Variants in ITSN1 observed in about 807,000 individuals in gnomAD.
ITSN1 encodes intersectin 1, also known as intersectin-1.
ITSN1 carries 58 observed loss-of-function variants against 239.8 expected under a neutral mutation model. The observed-to-expected ratio is 0.24, with a 90% CI of 0.20 to 0.30. The LOEUF (loss-of-function observed/expected upper bound fraction) is 0.30. Ranked by LOEUF, ITSN1 falls within the 10% of genes least tolerant of loss-of-function variation. ITSN1 has a pLI of 1.00. For missense variants in ITSN1, 1,558 were observed against 2,103.3 expected (o/e 0.74, Z 5.07); for synonymous variants, 780 against 770.8 (o/e 1.01, Z -0.20).
intron 24 of ITSN1, 103 bp from the exon 25 acceptor site, chr21:33,823,384 T>A: frequency 9.8e-7 from 1 of 1,024,980 alleles, no homozygotes; most frequent in Non-Finnish European, 1.5e-6. Context: ...CTTGAATGGA[T>A]CTTGTCCTAA....
intron 1 of ITSN1, among the ~76,000 whole-genome samples, chr21:33,656,801 A>G (rs371115336): frequency 6.6e-6 from 1 of 152,130 alleles, no homozygotes; most frequent in African/African-American, 2.4e-5. Context: ...ACCTCCGCCT[A>G]CCAGGTTCAA....
At chr21:33,697,234 A>ATTTTTTTTTTTTTTT (rs11419453) in intron 1 of ITSN1, among the ~76,000 whole-genome samples, 1 of 121,708 alleles carries the variant, frequency 8.2e-6, no homozygotes, top group Non-Finnish European at 1.6e-5. Context: ...CACCTGGCTA[A>ATTTTTTTTTTTTTTT]TTTTTTTTTT....
At chr21:33,669,811 CAT>C (rs1053569819) in intron 1 of ITSN1, among the ~76,000 whole-genome samples, 28 of 150,748 alleles carry the variant, frequency 1.9e-4, no homozygotes, top group South Asian at 4.1e-4. Context: ...CAGAAAATGA[CAT>C]GTGTTGGTGT....
chr21:33,670,366 C>G (rs75410839), intron 1 of ITSN1, among the ~76,000 whole-genome samples: 6,372 of 152,018 alleles, frequency 0.042, 455 homozygotes, highest in African/African-American at 0.15. Flanking sequence ...GAAAACAAAA[C>G]AAAACAAAAT....
Position 33,782,051 on chromosome 21 carries a change from A to C in ITSN1, c.1742A>C (p.His581Pro), listed in dbSNP as rs1462347653. ...ALEAKELARQ[H>P]LRDQLDEVEK... ...GAAGCAAAAGAACTAGCTCGGCAGC[A>C]CCTACGAGACCAACTGGATGAAGTG... is the stretch of plus-strand genomic sequence containing the variant. Residue 581 changes from histidine (H) to proline (P), a missense_variant, in exon 16 of 40, where the codon CAC becomes CCC. By Grantham distance (77) the His-to-Pro change is moderately conservative (BLOSUM62 -2). Coordinates refer to ENST00000381318, the MANE Select transcript of ITSN1 (RefSeq NM_003024.3). 1.2e-6 allele frequency: 2 copies of C among 1,613,774 alleles called. No homozygotes were observed. The highest frequency in any genetic ancestry group is 4.5e-5 in the East Asian group (2 of 44,880).
rs62226662 is a variant in ITSN1, at chr21:33,892,213, C to T, written c.*3913C>T. 2.6e-5 allele frequency: 4 copies of T among 152,222 alleles called. No individual in the cohort carries two copies. Among genetic ancestry groups the T allele is most frequent in the African/African-American group, 9.7e-5 (4 of 41,448 alleles). 9.4% of individuals were successfully genotyped at this position (152,222 alleles called of 1,614,324 possible). On this transcript the variant is annotated 3_prime_UTR_variant, in exon 40 of 40. Transcript: ENST00000381318. Reference sequence around the variant, plus strand: ...GCTTTTAGATAAAAGAGCTTTAGCTCACACCAGGCAGAAGCATAACCAGTA... The same window carrying T: ...GCTTTTAGATAAAAGAGCTTTAGCTTACACCAGGCAGAAGCATAACCAGTA...
chr21:33,660,581 AC>A (rs1205997611), intron 1 of ITSN1, among the ~76,000 whole-genome samples: 1 of 152,206 alleles, frequency 6.6e-6, no homozygotes, highest in Admixed American at 6.5e-5. Context: ...GAATTCCATA[AC>A]TGCTCCTGTA....
At chr21:33,847,420 C>T (rs1023736395) in intron 29 of ITSN1, among the ~76,000 whole-genome samples, 3 of 152,250 alleles carry the variant, frequency 2.0e-5, no homozygotes, top group Admixed American at 6.5e-5. Context: ...CACCCTCAGG[C>T]CTGCCCTTTG....
chr21:33,669,834 C>G (rs529884915), intron 1 of ITSN1, among the ~76,000 whole-genome samples: 4 of 151,832 alleles, frequency 2.6e-5, no homozygotes, highest in Admixed American at 6.6e-5. Flanking sequence ...TGAGATCTCT[C>G]TTGAGTGGCT....
At chr21:33,689,367 A>G (rs1200309126) in intron 1 of ITSN1, 1 of 152,164 alleles carries the variant, frequency 6.6e-6, no homozygotes, top group Non-Finnish European at 1.5e-5. Flanking sequence ...GTAGCCCCAG[A>G]GGGAGCATTC....
chr21:33,781,309 C>T (rs2070160245), intron 14 of ITSN1, 152 bp from the exon 15 acceptor site: 1 of 594,244 alleles, frequency 1.7e-6, no homozygotes, highest in Non-Finnish European at 3.0e-6. Context: ...GGAAAGAAAG[C>T]AGGAGCCACA....
intron 16 of ITSN1, among the ~76,000 whole-genome samples, chr21:33,782,513 A>G (rs753461384): frequency 3.9e-5 from 6 of 152,164 alleles, no homozygotes; most frequent in Non-Finnish European, 8.8e-5. Context: ...ATTGCGCTTA[A>G]ATGTAGATCT....
intron 29 of ITSN1, among the ~76,000 whole-genome samples, chr21:33,854,388 C>T (rs1037375822): frequency 4.6e-5 from 7 of 152,226 alleles, no homozygotes; most frequent in African/African-American, 7.2e-5. Flanking sequence ...ACTCTGCTTC[C>T]GTGAGAGGGC....
rs1405911809 is a variant in ITSN1, at chr21:33,898,534, C to CAT, written c.*10235_*10236insTA. 6.6e-6 allele frequency: 1 copy of CAT among 152,192 alleles called. No homozygotes were observed. Among genetic ancestry groups the CAT allele is most frequent in the African/African-American group, 2.4e-5 (1 of 41,446 alleles). 9.4% of individuals were successfully genotyped at this position (152,192 alleles called of 1,614,324 possible). The stretch of plus-strand genomic sequence containing the variant: ...CACCTAAGGAGGATTCTGTGAAACT[C>CAT]AATGTCTAAACCCCTGAGAAAGGCA... On this transcript the variant is annotated 3_prime_UTR_variant, in exon 40 of 40. Coordinates refer to ENST00000381318, the MANE Select transcript of ITSN1 (RefSeq NM_003024.3).
At chr21:33,710,936 G>T (rs1468543866) in intron 1 of ITSN1, among the ~76,000 whole-genome samples, 16 of 151,786 alleles carry the variant, frequency 1.1e-4, no homozygotes. Flanking sequence ...CTCCTGAGCA[G>T]CTGGGACTAC....
intron 8 of ITSN1, among the ~76,000 whole-genome samples, chr21:33,756,332 T>A (rs1434269103): frequency 6.7e-6 from 1 of 150,004 alleles, no homozygotes; most frequent in Non-Finnish European, 1.5e-5. Context: ...AAAGCATAAC[T>A]TTAATGAAAG....
Position 33,758,809 on chromosome 21 carries a change from T to C in ITSN1, c.725-3114T>C, listed in dbSNP as rs374492665. On this transcript the variant is annotated intron_variant, in intron 8 of 39. Coordinates refer to ENST00000381318, the MANE Select transcript of ITSN1 (RefSeq NM_003024.3). The stretch of plus-strand genomic sequence containing the variant: ...AAACATGGATGCCAGAAGTGGGGTT[T>C]GTGTGCTTGGGATTTCTGGTTTTAT... Among the ~76,000 whole-genome samples the C allele has an allele frequency of 9.8e-5, 15 of 152,310 alleles. No individual in the cohort carries two copies. In the South Asian group the frequency reaches 3.1e-3, roughly 32 times the overall value.
intron 28 of ITSN1, among the ~76,000 whole-genome samples, chr21:33,834,654 C>T (rs1217713478): frequency 1.3e-5 from 2 of 152,210 alleles, no homozygotes; most frequent in Non-Finnish European, 2.9e-5. Flanking sequence ...TGTTGGAATG[C>T]TCTTCTTGCA....
intron 33 of ITSN1, 82 bp downstream of exon 33, chr21:33,867,413 G>GTGAACA: frequency 1.2e-6 from 1 of 806,898 alleles, no homozygotes. Flanking sequence ...AAGATTCCCA[G>GTGAACA]TGAACATATC....
Sources: allele counts gnomAD v4.1 joint callset (sites outside exome capture counted in the v4.1 genomes callset), GRCh38; gene constraint gnomAD v4.1.1; transcripts MANE v1.5; gene names NCBI Gene and HGNC (gene_info 2026-07-23, HGNC 2026-07-21).